Variants in MAP2K1 observed in about 807,000 individuals in gnomAD.
MAP2K1 encodes the protein mitogen-activated protein kinase kinase 1.
MAP2K1 carries 16 observed loss-of-function variants against 46.3 expected under a neutral mutation model. That is an observed-to-expected ratio of 0.35 (90% CI 0.23 to 0.52). The LOEUF (loss-of-function observed/expected upper bound fraction) is 0.52, where lower values mean the gene tolerates loss of function less well. MAP2K1 is among the 20% of genes least tolerant of loss of function. MAP2K1 has a pLI of 0.94. For synonymous variants in MAP2K1, 183 were observed against 185.6 expected (o/e 0.99, Z 0.11); for missense variants, 263 against 497.1 (o/e 0.53, Z 4.48).
intron 1 of MAP2K1, among the ~76,000 whole-genome samples, chr15:66,389,577 T>G (rs1201198770): frequency 7.1e-6 from 1 of 141,794 alleles, no homozygotes; most frequent in East Asian, 2.1e-4. Context: ...TTGTGGTTTT[T>G]TTTTTTTTTT....
intron 3 of MAP2K1, among the ~76,000 whole-genome samples, chr15:66,443,062 TG>T (rs2093508860): frequency 6.8e-6 from 1 of 147,402 alleles, no homozygotes; most frequent in South Asian, 2.2e-4. Flanking sequence ...CGCAGCCTTC[TG>T]GGGTTTTTTT....
intron 7 of MAP2K1, among the ~76,000 whole-genome samples, chr15:66,485,620 C>T (rs1265152344): frequency 1.3e-5 from 2 of 151,884 alleles, no homozygotes; most frequent in Non-Finnish European, 2.9e-5. Context: ...ACTCTGTCAC[C>T]CAGGCTGGAG....
chr15:66,397,044 G>A (rs1363982728), intron 1 of MAP2K1, among the ~76,000 whole-genome samples: 1 of 110,288 alleles, frequency 9.1e-6, no homozygotes, highest in African/African-American at 3.6e-5. Flanking sequence ...TTGCTCTGTC[G>A]CCCAGGCTGG....
intron 3 of MAP2K1, among the ~76,000 whole-genome samples, chr15:66,440,085 G>A (rs1390065335): frequency 1.3e-5 from 2 of 148,648 alleles, no homozygotes; most frequent in African/African-American, 5.2e-5. Context: ...GGCGCGTGGG[G>A]TTCTGTTTTT....
chr15:66,477,309 G>T (rs1363228584), intron 5 of MAP2K1, among the ~76,000 whole-genome samples: 1 of 152,216 alleles, frequency 6.6e-6, no homozygotes, highest in Non-Finnish European at 1.5e-5. Context: ...AGCAGCTGTA[G>T]TCTGAAGAGA....
At position 66,471,922 on chromosome 15, in the gene MAP2K1, C is replaced by T. The variant is rs189952150; in HGVS notation, c.569-9833C>T. ...TGAAACCCCGTCTCTACTAAAAATA[C>T]AAAAATTAGCTAGGCGTGGTGGCAG... On this transcript the variant is annotated intron_variant, in intron 5 of 10. Coordinates refer to ENST00000307102, the MANE Select transcript of MAP2K1 (RefSeq NM_002755.4). 4.6e-5 allele frequency among the ~76,000 whole-genome samples: 7 copies of T among 151,664 alleles called. No individual in the cohort carries two copies. The South Asian group carries it at 1.3e-3, about 27-fold the overall frequency.
rs1439486706 is a variant in MAP2K1 at position 66,489,533 on chromosome 15, T to C, written c.1023-185T>C. ...GGATTGGCACGTTGCTTTTTGACCT[T>C]AGTTTAACTCAGCAAGAATGTATTA... On this transcript the variant is annotated intron_variant, in intron 9 of 10. Transcript: ENST00000307102. 8.7e-6 allele frequency: 6 copies of C among 692,634 alleles called. No homozygotes were observed. In the Admixed American group the frequency reaches 1.3e-4, roughly 15 times the overall value. 42.9% of individuals were successfully genotyped at this position (692,634 alleles called of 1,614,324 possible).
intron 1 of MAP2K1, among the ~76,000 whole-genome samples, chr15:66,429,043 G>T (rs747816845): frequency 6.6e-6 from 1 of 152,032 alleles, no homozygotes; most frequent in Non-Finnish European, 1.5e-5. Context: ...GCCTCCCAGA[G>T]TACTAGGATT....
At chr15:66,490,439 C>A (rs761629942) in intron 10 of MAP2K1, 63 bp from the exon 11 acceptor site, 14 of 1,203,818 alleles carry the variant, frequency 1.2e-5, no homozygotes, top group Non-Finnish European at 1.5e-5. Context: ...GATTTTCCTT[C>A]CTGGTGGGTT....
intron 10 of MAP2K1, 135 bp from the exon 11 acceptor site, chr15:66,490,367 T>G: frequency 1.3e-6 from 1 of 764,750 alleles, no homozygotes; most frequent in South Asian, 1.4e-5. Context: ...CCACTGTTGC[T>G]CAGGGGCAGG....
At chr15:66,452,287 T>TAAAAAAAAAAAAAAAAA (rs146502834) in intron 5 of MAP2K1, among the ~76,000 whole-genome samples, 3 of 103,602 alleles carry the variant, frequency 2.9e-5, no homozygotes, top group Non-Finnish European at 5.5e-5. Context: ...TAGAGTATAA[T>TAAAAAAAAAAAAAAAAA]AAAAAAAAAA....
rs919226731 is a variant in MAP2K1 at position 66,447,581 on chromosome 15, C to T, written c.568+2874C>T. On this transcript the variant is annotated intron_variant, in intron 5 of 10. Transcript: ENST00000307102. The stretch of plus-strand genomic sequence containing the variant: ...TGGCGTGTGCCTGTAATCCTGGCTA[C>T]TCAGGAGGCTTAGGCAAGAGAATTG... Among the ~76,000 whole-genome samples the T allele has an allele frequency of 3.8e-4, 57 of 151,240 alleles. 1 individual carries two copies. The highest frequency in any genetic ancestry group is 1.4e-3 in the African/African-American group (57 of 41,184).
rs1461545359 is a variant in MAP2K1 at position 66,485,179 on chromosome 15, A to G, written c.883A>G (p.Arg295Gly). 1 of 1,613,626 alleles carries G rather than the reference A, an allele frequency of 6.2e-7. No individual in the cohort carries two copies. Among genetic ancestry groups the G allele is most frequent in the East Asian group, 2.2e-5 (1 of 44,866 alleles). ...CCCACCCAGGCCAAGGACCCCCGGGAGGCCCCTTAGCTGTGAGTAGCCTGG... is the reference window on the plus strand; with the variant it reads ...CCCACCCAGGCCAAGGACCCCCGGGGGGCCCCTTAGCTGTGAGTAGCCTGG... ...ETPPRPRTPGRPLSSYGMDSR... is the reference protein window; with the variant it reads ...ETPPRPRTPGGPLSSYGMDSR... Residue 295 changes from arginine (R) to glycine (G), a missense_variant, in exon 7 of 11, where the codon AGG becomes GGG. Arg to Gly is a moderately radical substitution (Grantham distance 125). This residue lies in a region of MAP2K1 where 118 missense variants were observed against 193.0 expected (regional missense o/e 0.61). Coordinates refer to ENST00000307102, the MANE Select transcript of MAP2K1 (RefSeq NM_002755.4).
intron 3 of MAP2K1, among the ~76,000 whole-genome samples, chr15:66,440,635 G>C (rs1291874374): frequency 1.3e-5 from 2 of 152,202 alleles, no homozygotes; most frequent in African/African-American, 2.4e-5. Context: ...GGGACCCAGA[G>C]TTAATGGTTC....
Position 66,394,989 on chromosome 15 carries a change from A to G in MAP2K1, c.80+7562A>G, listed in dbSNP as rs58804483. 3.0e-3 allele frequency among the ~76,000 whole-genome samples: 464 copies of G among 152,332 alleles called. 2 individuals carry two copies. Among genetic ancestry groups the G allele is most frequent in the African/African-American group, 0.01 (430 of 41,578 alleles). On this transcript the variant is annotated intron_variant, in intron 1 of 10. Coordinates refer to ENST00000307102, the MANE Select transcript of MAP2K1 (RefSeq NM_002755.4). ...GATTTAGCCCATGGCAAGGAAATAT[A>G]TGGGACTCTTGTTTGAATATAAACA...
At chr15:66,424,040 A>AC (rs1345681996) in intron 1 of MAP2K1, among the ~76,000 whole-genome samples, 1 of 148,818 alleles carries the variant, frequency 6.7e-6, no homozygotes, top group Non-Finnish European at 1.5e-5. Context: ...GATGTGAGCC[A>AC]CCGCACCCAG....
At chr15:66,432,959 A>AGAGTGT (rs1555415885) in intron 1 of MAP2K1, among the ~76,000 whole-genome samples, 1 of 131,904 alleles carries the variant, frequency 7.6e-6, no homozygotes, top group Non-Finnish European at 1.6e-5. Flanking sequence ...CATCATGCAC[A>AGAGTGT]GTGTGTGTGT....
intron 1 of MAP2K1, among the ~76,000 whole-genome samples, chr15:66,424,119 A>C (rs896970181): frequency 1.3e-5 from 2 of 149,818 alleles, no homozygotes; most frequent in African/African-American, 2.5e-5. Flanking sequence ...GTGCAATGGT[A>C]CTGTCTTGGC....
At chr15:66,418,090 T>C (rs1203922507) in intron 1 of MAP2K1, among the ~76,000 whole-genome samples, 2 of 152,186 alleles carry the variant, frequency 1.3e-5, no homozygotes, top group Admixed American at 1.3e-4. Context: ...GTCCCAAGCA[T>C]AGGAGCTCAA....
Sources: allele counts gnomAD v4.1 joint callset (sites outside exome capture counted in the v4.1 genomes callset), GRCh38; gene constraint gnomAD v4.1.1; regional missense constraint gnomAD v4.1.1; transcripts MANE v1.5; gene names NCBI Gene and HGNC (gene_info 2026-07-23, HGNC 2026-07-21).